Variants in HS6ST3 observed in about 807,000 individuals in gnomAD.
HS6ST3 encodes heparan sulfate 6-O-sulfotransferase 3, also known as heparan-sulfate 6-O-sulfotransferase 3.
HS6ST3 carries 12 observed loss-of-function variants against 36.7 expected under a neutral mutation model. The observed-to-expected ratio is 0.33, with a 90% CI of 0.21 to 0.53. HS6ST3 has a LOEUF of 0.53. HS6ST3 is among the 20% of genes least tolerant of loss of function. The pLI, the probability that HS6ST3 is intolerant of heterozygous loss-of-function variation, is 0.95. For missense variants in HS6ST3, 584 were observed against 640.9 expected, an observed-to-expected ratio of 0.91 and a Z score of 0.96; for synonymous variants, 240 against 257.5, an observed-to-expected ratio of 0.93 and a Z score of 0.65.
intron 1 of HS6ST3, among the ~76,000 whole-genome samples, chr13:96,736,335 G>T (rs769366124): frequency 1.3e-5 from 2 of 152,126 alleles, no homozygotes; most frequent in African/African-American, 4.8e-5. Flanking sequence ...TAAAGTATTG[G>T]CAACATTGTT....
chr13:96,754,887 G>A lies in HS6ST3; in HGVS notation c.708-77603G>A, dbSNP rs114491247. ...TTACATATTACATTATAGGTGTAACGTACATATATATCATATATAATAATA... is the reference window on the plus strand; with the variant it reads ...TTACATATTACATTATAGGTGTAACATACATATATATCATATATAATAATA... On this transcript the variant is annotated intron_variant, in intron 1 of 1. Coordinates refer to ENST00000376705, the MANE Select transcript of HS6ST3 (RefSeq NM_153456.4). Among the ~76,000 whole-genome samples the A allele has an allele frequency of 4.3e-3, 655 of 151,946 alleles. 4 individuals carry two copies. The highest frequency in any genetic ancestry group is 0.015 in the African/African-American group (606 of 41,444).
intron 1 of HS6ST3, among the ~76,000 whole-genome samples, chr13:96,391,126 G>A (rs1043715210): frequency 6.6e-6 from 1 of 152,114 alleles, no homozygotes; most frequent in African/African-American, 2.4e-5. Flanking sequence ...ATCCCAGCTA[G>A]TCTGGCAAAT....
chr13:96,262,799 C>T (rs941145006), intron 1 of HS6ST3, among the ~76,000 whole-genome samples: 7 of 152,006 alleles, frequency 4.6e-5, no homozygotes, highest in East Asian at 1.9e-4. Flanking sequence ...ATAGGGCATA[C>T]GATATTATCA....
chr13:96,565,875 T>A (rs2056279236), intron 1 of HS6ST3, among the ~76,000 whole-genome samples: 1 of 152,136 alleles, frequency 6.6e-6, no homozygotes, highest in African/African-American at 2.4e-5. Context: ...TTATCAGACA[T>A]CTGAGAAGAG....
intron 1 of HS6ST3, among the ~76,000 whole-genome samples, chr13:96,450,861 G>A (rs1460367819): frequency 1.3e-5 from 2 of 152,128 alleles, no homozygotes; most frequent in Non-Finnish European, 2.9e-5. Context: ...AGTCTGGGCG[G>A]GTATCAAATA....
At chr13:96,658,950 C>T (rs1369008251) in intron 1 of HS6ST3, among the ~76,000 whole-genome samples, 1 of 150,722 alleles carries the variant, frequency 6.6e-6, no homozygotes, top group East Asian at 2.0e-4. Context: ...TCAAGTAATC[C>T]ACCGCCTCTG....
intron 1 of HS6ST3, among the ~76,000 whole-genome samples, chr13:96,812,778 AACACACAC>A (rs57237051): frequency 4.0e-5 from 6 of 150,776 alleles, no homozygotes; most frequent in Non-Finnish European, 8.9e-5. Flanking sequence ...TTTAAAAATC[AACACACAC>A]ACACACACAC....
rs375018693 is a variant in HS6ST3, at chr13:96,655,093, C to G, written c.708-177397C>G. ...GTTTATAAGTGAAGGAAAAAGATCACCTGAGCCCTTAGGGCATTGTTAAGT... is the reference window on the plus strand; with the variant it reads ...GTTTATAAGTGAAGGAAAAAGATCAGCTGAGCCCTTAGGGCATTGTTAAGT... On this transcript the variant is annotated intron_variant, in intron 1 of 1. Coordinates refer to ENST00000376705, the MANE Select transcript of HS6ST3 (RefSeq NM_153456.4). Among the ~76,000 whole-genome samples the G allele has an allele frequency of 1.7e-4, 26 of 151,932 alleles. No individual in the cohort carries two copies. In the East Asian group the frequency reaches 1.7e-3, roughly 10 times the overall value.
chr13:96,650,921 C>T (rs959384190), intron 1 of HS6ST3, among the ~76,000 whole-genome samples: 6 of 152,112 alleles, frequency 3.9e-5, no homozygotes, highest in African/African-American at 1.2e-4. Context: ...GTCTGTGATA[C>T]TACATCACAG....
At chr13:96,761,339 T>C (rs191407820) in intron 1 of HS6ST3, among the ~76,000 whole-genome samples, 1 of 152,262 alleles carries the variant, frequency 6.6e-6, no homozygotes, top group East Asian at 1.9e-4. Flanking sequence ...TCTTTTTTGA[T>C]TTGTAATTTT....
chr13:96,213,728 T>G (rs775411490), intron 1 of HS6ST3, among the ~76,000 whole-genome samples: 3 of 152,154 alleles, frequency 2.0e-5, no homozygotes, highest in Admixed American at 6.5e-5. Context: ...TGTAGGTGTT[T>G]AAGGTATGTA....
intron 1 of HS6ST3, among the ~76,000 whole-genome samples, chr13:96,454,807 A>G (rs919022462): frequency 6.6e-6 from 1 of 151,486 alleles, no homozygotes; most frequent in Non-Finnish European, 1.5e-5. Context: ...AAAACTGATT[A>G]TGTGGTTCAC....
chr13:96,746,268 A>G (rs1453093763), intron 1 of HS6ST3, among the ~76,000 whole-genome samples: 2 of 152,084 alleles, frequency 1.3e-5, no homozygotes, highest in African/African-American at 4.8e-5. Context: ...TAAAAAGGTT[A>G]AGTAACTTAT....
At chr13:96,530,588 G>A (rs562909016) in intron 1 of HS6ST3, among the ~76,000 whole-genome samples, 1 of 151,336 alleles carries the variant, frequency 6.6e-6, no homozygotes, top group East Asian at 1.9e-4. Context: ...CTACAGCCTG[G>A]ACCTCCTGGG....
chr13:96,606,696 A>T (rs147224900), intron 1 of HS6ST3, among the ~76,000 whole-genome samples: 1,527 of 151,696 alleles, frequency 0.01, 19 homozygotes, highest in Non-Finnish European at 0.015. Context: ...GATCATCCAT[A>T]CCCCATACCT....
At chr13:96,747,422 T>C (rs1876588056) in intron 1 of HS6ST3, among the ~76,000 whole-genome samples, 1 of 152,152 alleles carries the variant, frequency 6.6e-6, no homozygotes, top group Non-Finnish European at 1.5e-5. Context: ...AAATAGGTGC[T>C]ATGAAAATCA....
intron 1 of HS6ST3, among the ~76,000 whole-genome samples, chr13:96,187,194 T>C (rs1409981569): frequency 1.3e-5 from 2 of 152,230 alleles, no homozygotes; most frequent in Non-Finnish European, 2.9e-5. Flanking sequence ...TGTAAAACTT[T>C]TGGTACTTGT....
In HS6ST3 at chr13:96,126,081, G is replaced by A. The variant is rs118052329; in HGVS notation, c.707+34512G>A. Among the ~76,000 whole-genome samples, 913 of 152,204 alleles carry A rather than the reference G, an allele frequency of 6.0e-3. 4 individuals are homozygous for A. The highest frequency in any genetic ancestry group is 0.014 in the Middle Eastern group (4 of 294). ...GCTATTTAATTTTAATTCCGTAAAC[G>A]CATGTGCTTCCTTTCCTCCTGATCT... On this transcript the variant is annotated intron_variant, in intron 1 of 1. Transcript: ENST00000376705.
chr13:96,593,993 G>T (rs1198297727), intron 1 of HS6ST3, among the ~76,000 whole-genome samples: 2 of 149,974 alleles, frequency 1.3e-5, no homozygotes, highest in African/African-American at 4.9e-5. Flanking sequence ...TTTCGCTCTT[G>T]TTTCCCAGGC....
Sources: allele counts gnomAD v4.1 joint callset (sites outside exome capture counted in the v4.1 genomes callset), GRCh38; gene constraint gnomAD v4.1.1; transcripts MANE v1.5; gene names NCBI Gene and HGNC (gene_info 2026-07-23, HGNC 2026-07-21).